The following RTCB variants were observed in gnomAD, a reference collection of about 807,000 sequenced individuals.
RTCB encodes RNA-splicing ligase RTCB.
Under a neutral mutation model 58.2 loss-of-function variants are expected in RTCB, and 32 were observed. That is an observed-to-expected ratio of 0.55 (90% confidence interval 0.41 to 0.74). The LOEUF is 0.74. Ranked by LOEUF, RTCB falls within the 30% of genes least tolerant of loss-of-function variation. RTCB has a pLI of 0.00. For missense variants in RTCB, 523 were observed against 639.0 expected, an observed-to-expected ratio of 0.82 and a Z score of 1.96; for synonymous variants, 247 against 218.6, an observed-to-expected ratio of 1.13 and a Z score of -1.15.
In RTCB at chr22:32,408,262, A is replaced by C; in HGVS notation, c.173-20T>G. The C allele has an allele frequency of 6.2e-6, 10 of 1,605,210 alleles. No homozygotes were observed. The highest frequency in any genetic ancestry group is 1.3e-5 in the African/African-American group (1 of 74,892). On this transcript the variant is annotated intron_variant, in intron 2 of 11. Transcript: ENST00000216038. Reference sequence around the variant, plus strand: ...CAACACCTGAAGACAAAAATTGGGTATTAGAAAAGACAACACACTTGATTT... The same window carrying C: ...CAACACCTGAAGACAAAAATTGGGTCTTAGAAAAGACAACACACTTGATTT...
chr22:32,399,868 G>A (rs760203820), intron 5 of RTCB, 109 bp from the exon 6 acceptor site: 1 of 1,043,738 alleles, frequency 9.6e-7, no homozygotes, highest in African/African-American at 1.6e-5. Flanking sequence ...ACTATCTCCT[G>A]TGTTCCAAGC....
chr22:32,395,493 TAGTC>T (rs1569440816), intron 8 of RTCB, among the ~76,000 whole-genome samples: 1 of 152,234 alleles, frequency 6.6e-6, no homozygotes, highest in African/African-American at 2.4e-5. Context: ...TTCTGAATCT[TAGTC>T]AGTGGCACTT....
In RTCB at chr22:32,408,849, G is replaced by A. The variant is rs767099927; in HGVS notation, c.94-16C>T. ...CACCTTCAACCTAGTACCAAGGAAA[G>A]TGAAAAGCAATGTCTGAGTACATGC... On this transcript the variant is annotated splice_polypyrimidine_tract_variant and intron_variant, in intron 1 of 11. Coordinates refer to ENST00000216038, the MANE Select transcript of RTCB (RefSeq NM_014306.5). 5.0e-6 allele frequency: 8 copies of A among 1,593,874 alleles called. No individual in the cohort carries two copies. The highest frequency in any genetic ancestry group is 6.9e-6 in the Non-Finnish European group (8 of 1,161,704).
In RTCB at chr22:32,400,146, A is replaced by ATCACTCTCTAAC. The variant is rs1307407899; in HGVS notation, c.498-399_498-388dup. Among the ~76,000 whole-genome samples, 6 of 152,328 alleles carry ATCACTCTCTAAC rather than the reference A, an allele frequency of 3.9e-5. No individual in the cohort carries two copies. In the East Asian group the frequency reaches 9.6e-4, roughly 24 times the overall value. ...AACAACTCTGTAACCTTAATCAGCTATCACTCTCTAACGACTAATTCAACC... is the reference window on the plus strand; with the variant it reads ...AACAACTCTGTAACCTTAATCAGCTATCACTCTCTAACTCACTCTCTAACGACTAATTCAACC... On this transcript the variant is annotated intron_variant, in intron 5 of 11. Transcript: ENST00000216038.
chr22:32,407,144 T>C (rs1933439338), intron 3 of RTCB, among the ~76,000 whole-genome samples: 1 of 152,208 alleles, frequency 6.6e-6, no homozygotes, highest in Non-Finnish European at 1.5e-5. Flanking sequence ...TATAGGTCAT[T>C]AGTTTAAGTA....
intron 5 of RTCB, 48 bp from the exon 6 acceptor site, chr22:32,399,807 A>T (rs1235485355): frequency 6.4e-7 from 1 of 1,561,382 alleles, no homozygotes; most frequent in Non-Finnish European, 8.7e-7. Context: ...AAGGCAGATC[A>T]AAACCTAAGG....
chr22:32,395,266 C>T (rs1241844379), intron 8 of RTCB, 52 bp from the exon 9 acceptor site: 4 of 1,516,838 alleles, frequency 2.6e-6, no homozygotes, highest in Non-Finnish European at 3.6e-6. Flanking sequence ...GACTTATGTT[C>T]AGCTCTTCGT....
At chr22:32,403,718 T>C (rs9609528) in intron 4 of RTCB, among the ~76,000 whole-genome samples, 13,786 of 152,264 alleles carry the variant, frequency 0.091, 717 homozygotes, top group Middle Eastern at 0.18. Context: ...GGTATTAGGC[T>C]GGTGCAAAAG....
intron 5 of RTCB, 131 bp downstream of exon 5, chr22:32,401,616 A>C: frequency 9.7e-7 from 1 of 1,033,074 alleles, no homozygotes; most frequent in South Asian, 1.8e-5. Context: ...GCTTAAAAAA[A>C]CAGTTCTTAC....
chr22:32,399,663 C>T lies in RTCB; in HGVS notation c.594G>A (p.Arg198=). The T allele has an allele frequency of 1.2e-6, 2 of 1,614,034 alleles. No individual in the cohort carries two copies. The highest frequency in any genetic ancestry group is 1.7e-6 in the Non-Finnish European group (2 of 1,179,978). Residue 198 remains arginine, a synonymous_variant, in exon 6 of 12, where the codon AGG becomes AGA. Transcript: ENST00000216038. ...CTTTATTGGGGTCAGCCTGCAGCAT[C>T]CTTCCGTACTCCTCGCAGTGCTCCT... is the stretch of plus-strand genomic sequence containing the variant. ...EDKEHCEEYG[R]MLQADPNKVS...
intron 6 of RTCB, 21 bp downstream of exon 6, chr22:32,399,582 T>C: frequency 1.3e-6 from 2 of 1,580,226 alleles, no homozygotes; most frequent in Non-Finnish European, 1.7e-6. Flanking sequence ...ATTAACATGT[T>C]GCCCCTCCAA....
At chr22:32,392,598 C>A in intron 10 of RTCB, 1 of 649,768 alleles carries the variant, frequency 1.5e-6, no homozygotes, top group Non-Finnish European at 2.8e-6. Flanking sequence ...CAGCATCCCT[C>A]GCCTCTAAGA....
intron 1 of RTCB, among the ~76,000 whole-genome samples, chr22:32,409,381 G>A (rs1055069458): frequency 2.0e-5 from 3 of 152,146 alleles, no homozygotes; most frequent in African/African-American, 4.8e-5. Flanking sequence ...ATGCAGCTAC[G>A]TAGTTGTGTG....
chr22:32,396,189 T>G lies in RTCB; in HGVS notation c.875A>C (p.Gln292Pro). ...GGAAGCGATTCGAGCACAAGCCAAC[T>G]GCCGATCATTGACTATAATCTTGTC... ...KRDKIIVNDR[Q>P]LACARIASPE... The change falls in exon 8 of 12, where the codon CAG becomes CCG. Residue 292 changes from glutamine to proline, a missense_variant. Physicochemically the swap from Gln to Pro is moderately conservative, Grantham distance 76. Around this residue, in one of 3 missense-constraint regions of RTCB, gnomAD observed 248 missense variants for 292.5 expected, o/e 0.85. Coordinates refer to ENST00000216038, the MANE Select transcript of RTCB (RefSeq NM_014306.5). 1 of 1,614,228 alleles carries G rather than the reference T, an allele frequency of 6.2e-7. No homozygotes were observed. Among genetic ancestry groups the G allele is most frequent in the Non-Finnish European group, 8.5e-7 (1 of 1,180,030 alleles).
Position 32,395,227 on chromosome 22 carries a change from A to G in RTCB, c.991-13T>C, listed in dbSNP as rs1933226358. On this transcript the variant is annotated splice_polypyrimidine_tract_variant and intron_variant, in intron 8 of 11. Coordinates refer to ENST00000216038, the MANE Select transcript of RTCB (RefSeq NM_014306.5). ...CCTTGGCGAAAGCCTAGGAGAAAAC[A>G]CAGAAGATAAAAGCAGCCAGAACTT... 1.2e-6 allele frequency: 2 copies of G among 1,611,860 alleles called. No individual in the cohort carries two copies. The highest frequency in any genetic ancestry group is 4.5e-5 in the East Asian group (2 of 44,794).
Position 32,408,177 on chromosome 22 carries a change from G to T in RTCB, c.238C>A (p.His80Asn). 1 of 1,613,902 alleles carries T rather than the reference G, an allele frequency of 6.2e-7. No homozygotes were observed. Among genetic ancestry groups the T allele is most frequent in the South Asian group, 1.1e-5 (1 of 91,056 alleles). ...TAAAGTTCTGAACTCTGACTCACAT[G>T]AACAATTCCAGGCAGGGCTGCCACA... Reference protein sequence around the residue: ...GNVAALPGIVHRSIGLPDVHS... With the variant: ...GNVAALPGIVNRSIGLPDVHS... The change falls in exon 3 of 12, where the codon CAT (histidine) becomes AAT (asparagine). Residue 80 changes from histidine to asparagine, a missense_variant and splice_region_variant. His to Asn is a moderately conservative substitution (Grantham distance 68). Around this residue, in one of 3 missense-constraint regions of RTCB, gnomAD observed 134 missense variants for 129.9 expected, o/e 1.03. Transcript: ENST00000216038.
rs146959368 is a variant in RTCB, at chr22:32,412,094, C to A, written c.63G>T (p.Arg21Ser). 3.7e-6 allele frequency: 6 copies of A among 1,609,510 alleles called. No individual in the cohort carries two copies. In the South Asian group the frequency reaches 4.4e-5, roughly 12 times the overall value. ...FLEKINKNCW[R>S]IKKGFVPNMQ... ...TGTTGGGCACGAAGCCCTTCTTGAT[C>A]CTCCAGCAGTTTTTATTGATCTTCT... is the stretch of plus-strand genomic sequence containing the variant. Residue 21 changes from arginine to serine, a missense_variant, in exon 1 of 12, where the codon AGG (arginine) becomes AGT (serine). Arg to Ser is a moderately radical substitution (Grantham distance 110, BLOSUM62 -1). Transcript: ENST00000216038.
At chr22:32,394,082 G>T in intron 9 of RTCB, 80 bp from the exon 10 acceptor site, 1 of 968,410 alleles carries the variant, frequency 1.0e-6, no homozygotes. Context: ...ATTTTCTCTT[G>T]CACTGTAGGA....
chr22:32,406,612 TGCCCG>T (rs1933426633), intron 4 of RTCB, 45 bp downstream of exon 4: 1 of 1,326,314 alleles, frequency 7.5e-7, no homozygotes. Flanking sequence ...TGAGCCACCG[TGCCCG>T]GCCAATGCTA....
Sources: gnomAD v4.1 joint callset for allele counts (sites outside exome capture counted in the v4.1 genomes callset) on GRCh38, gnomAD v4.1.1 for gene constraint, gnomAD v4.1.1 regional missense constraint, MANE v1.5 for transcripts, NCBI Gene and HGNC (gene_info 2026-07-23, HGNC 2026-07-21) for gene names.